PDE11A: variants seen among roughly 807,000 people sequenced by gnomAD.
PDE11A encodes dual 3',5'-cyclic-AMP and -GMP phosphodiesterase 11A.
A neutral mutation model predicts 100.5 loss-of-function variants in PDE11A; 100 were observed. The ratio of observed to expected loss-of-function variants is 1.00; its 90% confidence interval spans 0.85 to 1.18. The LOEUF is 1.18. PDE11A is among the 50% of genes most tolerant of loss of function. PDE11A has a pLI of 0.00. For synonymous variants in PDE11A, 381 were observed against 420.8 expected, an observed-to-expected ratio of 0.91 and a Z score of 1.16; for missense variants, 1,141 against 1,152.6, an observed-to-expected ratio of 0.99 and a Z score of 0.15.
At chr2:177,983,670 T>C (rs1325161116) in intron 2 of PDE11A, among the ~76,000 whole-genome samples, 1 of 152,212 alleles carries the variant, frequency 6.6e-6, no homozygotes, top group African/African-American at 2.4e-5. Context: ...TTTGGTGGAC[T>C]AAAGGAAACT....
At chr2:177,796,260 T>A (rs1484075709) in intron 9 of PDE11A, among the ~76,000 whole-genome samples, 1 of 151,924 alleles carries the variant, frequency 6.6e-6, no homozygotes, top group Non-Finnish European at 1.5e-5. Context: ...GTCTCTTCTA[T>A]CCCCTGGAAA....
In PDE11A at chr2:177,736,346, T is replaced by C. The variant is rs188488628; in HGVS notation, c.1789-8174A>G. Among the ~76,000 whole-genome samples, 20 of 152,066 alleles carry C rather than the reference T, an allele frequency of 1.3e-4. No individual in the cohort carries two copies. The Middle Eastern group carries it at 0.01, about 78-fold the overall frequency. On this transcript the variant is annotated intron_variant, in intron 10 of 19. Transcript: ENST00000286063. ...GGACAACATGGTGAAACTCCGTCTC[T>C]ATTAAAAATACAAAAATTAATACAA...
intron 1 of PDE11A, among the ~76,000 whole-genome samples, chr2:178,036,728 A>G (rs2086619458): frequency 2.0e-5 from 3 of 152,286 alleles, no homozygotes; most frequent in South Asian, 4.2e-4. Flanking sequence ...CACATCTACA[A>G]TCATCTGATT....
At chr2:178,078,671 TGAA>T (rs1413901843) in intron 2 of PDE11A, among the ~76,000 whole-genome samples, 1 of 152,228 alleles carries the variant, frequency 6.6e-6, no homozygotes, top group African/African-American at 2.4e-5. Context: ...AATATCTTGC[TGAA>T]GAATAACTTG....
chr2:177,631,696 G>T (rs1245359720), intron 19 of PDE11A, among the ~76,000 whole-genome samples: 1 of 147,408 alleles, frequency 6.8e-6, no homozygotes, highest in African/African-American at 2.5e-5. Context: ...TATAATCTCA[G>T]TTTAAAAATG....
At chr2:177,772,500 C>T (rs1220030105) in intron 9 of PDE11A, among the ~76,000 whole-genome samples, 2 of 152,012 alleles carry the variant, frequency 1.3e-5, no homozygotes, top group Non-Finnish European at 2.9e-5. Context: ...ATTGATTTTG[C>T]TCTTTTGTTT....
At chr2:177,920,491 A>G (rs1233916361) in intron 2 of PDE11A, among the ~76,000 whole-genome samples, 1 of 152,136 alleles carries the variant, frequency 6.6e-6, no homozygotes, top group African/African-American at 2.4e-5. Context: ...CTCCTACTAT[A>G]TTGACAAATA....
chr2:177,946,736 G>A (rs2085440463), intron 2 of PDE11A, among the ~76,000 whole-genome samples: 1 of 57,452 alleles, frequency 1.7e-5, no homozygotes, highest in Non-Finnish European at 4.0e-5. Context: ...GAGGGAGGTG[G>A]GGGGGGTCAG....
chr2:177,659,274 A>G (rs1159943541), intron 19 of PDE11A, among the ~76,000 whole-genome samples: 1 of 150,936 alleles, frequency 6.6e-6, no homozygotes, highest in Non-Finnish European at 1.5e-5. Context: ...GGGGAAAAAA[A>G]AAAAAAAAAA....
intron 6 of PDE11A, among the ~76,000 whole-genome samples, chr2:177,824,916 T>C (rs79120116): frequency 0.012 from 1,860 of 152,312 alleles, 32 homozygotes; most frequent in African/African-American, 0.042. Context: ...ATGACCATAA[T>C]AGTTTCCTTT....
chr2:177,950,286 G>A (rs2085491088), intron 2 of PDE11A, among the ~76,000 whole-genome samples: 1 of 151,790 alleles, frequency 6.6e-6, no homozygotes, highest in Non-Finnish European at 1.5e-5. Context: ...CCCCAGGAAT[G>A]TCTTGCCTTC....
intron 5 of PDE11A, among the ~76,000 whole-genome samples, chr2:177,869,060 T>C (rs1003993584): frequency 3.3e-5 from 5 of 152,264 alleles, no homozygotes; most frequent in African/African-American, 9.6e-5. Flanking sequence ...TGTGCATGCA[T>C]GCATGAGTGC....
chr2:177,777,017 T>C (rs933397590), intron 9 of PDE11A, among the ~76,000 whole-genome samples: 4 of 152,146 alleles, frequency 2.6e-5, no homozygotes, highest in African/African-American at 9.7e-5. Flanking sequence ...CACTTCTCCT[T>C]CCTGTACCAT....
At chr2:177,919,006 T>A (rs1045309104) in intron 2 of PDE11A, among the ~76,000 whole-genome samples, 1 of 151,968 alleles carries the variant, frequency 6.6e-6, no homozygotes, top group Non-Finnish European at 1.5e-5. Flanking sequence ...TGATAGCACA[T>A]CATGATAAAA....
chr2:177,745,590 T>G (rs1261616567), intron 10 of PDE11A, among the ~76,000 whole-genome samples: 1 of 152,124 alleles, frequency 6.6e-6, no homozygotes, highest in Non-Finnish European at 1.5e-5. Flanking sequence ...TGCTGGGCCT[T>G]GAGAGTGCCA....
chr2:177,944,619 C>T lies in PDE11A; in HGVS notation c.1072-39432G>A, dbSNP rs1218756416. On this transcript the variant is annotated intron_variant, in intron 2 of 19. Coordinates refer to ENST00000286063, the MANE Select transcript of PDE11A (RefSeq NM_016953.4). ...TGCATTGCTTGATCTGTTACACAAT[C>T]ACTTCTATAAATATATCTCTACTTT... Among the ~76,000 whole-genome samples, 4 of 152,194 alleles carry T rather than the reference C, an allele frequency of 2.6e-5. No individual in the cohort carries two copies. The East Asian group carries it at 7.7e-4, about 29-fold the overall frequency.
chr2:177,997,620 C>A (rs961663536), intron 2 of PDE11A: 8 of 1,210,220 alleles, frequency 6.6e-6, no homozygotes, highest in East Asian at 2.3e-5. Context: ...TATAAACTTG[C>A]AGGCCTCGTG....
intron 19 of PDE11A, among the ~76,000 whole-genome samples, chr2:177,655,277 A>G (rs746806209): frequency 4.6e-5 from 7 of 152,218 alleles, no homozygotes; most frequent in Non-Finnish European, 8.8e-5. Flanking sequence ...TTTATGAAAT[A>G]AAACAAATTA....
intron 5 of PDE11A, among the ~76,000 whole-genome samples, chr2:177,841,948 C>T (rs1192264264): frequency 6.6e-6 from 1 of 152,150 alleles, no homozygotes; most frequent in Non-Finnish European, 1.5e-5. Context: ...CATCTCATTT[C>T]ATGAGATGAA....
Sources: allele counts gnomAD v4.1 joint callset (sites outside exome capture counted in the v4.1 genomes callset), GRCh38; gene constraint gnomAD v4.1.1; transcripts MANE v1.5; gene names NCBI Gene and HGNC (gene_info 2026-07-23, HGNC 2026-07-21).